SNX4: variants seen among roughly 807,000 people sequenced by gnomAD.
SNX4 encodes sorting nexin-4.
In SNX4, 49 loss-of-function variants were observed where a neutral mutation model predicts 70.8. The ratio of observed to expected loss-of-function variants is 0.69; its 90% CI spans 0.55 to 0.88. The LOEUF (loss-of-function observed/expected upper bound fraction) is 0.88. Ranked by LOEUF, SNX4 falls within the 40% of genes least tolerant of loss-of-function variation. The probability of loss-of-function intolerance (pLI) is 0.00; values close to 1 mark genes in which losing one functional copy is unlikely to be tolerated. For synonymous variants in SNX4, 206 were observed against 183.8 expected (o/e 1.12, Z -0.98); for missense variants, 528 against 544.8 (o/e 0.97, Z 0.31).
intron 9 of SNX4, among the ~76,000 whole-genome samples, 181 bp from the exon 10 acceptor site, chr3:125,461,041 C>T (rs192209497): frequency 0.01 from 1,549 of 152,248 alleles, 10 homozygotes; most frequent in Non-Finnish European, 0.014. Context: ...GCCTGGCCAA[C>T]GTGGTGAAAC....
chr3:125,465,360 C>T (rs1428694562), intron 9 of SNX4, among the ~76,000 whole-genome samples: 1 of 151,862 alleles, frequency 6.6e-6, no homozygotes, highest in African/African-American at 2.4e-5. Context: ...ATTCTCCTGC[C>T]TCAGCCTCCT....
intron 6 of SNX4, among the ~76,000 whole-genome samples, chr3:125,481,036 C>T (rs574225210): frequency 6.6e-6 from 1 of 152,268 alleles, no homozygotes; most frequent in South Asian, 2.1e-4. Context: ...CTTGACAACA[C>T]ACCCAGCTAT....
At chr3:125,481,263 G>A (rs1351218367) in intron 6 of SNX4, among the ~76,000 whole-genome samples, 1 of 152,020 alleles carries the variant, frequency 6.6e-6, no homozygotes, top group Non-Finnish European at 1.5e-5. Context: ...CCTCTTACTT[G>A]ATCCTTTTGG....
At chr3:125,473,213 G>A (rs981436401) in intron 8 of SNX4, among the ~76,000 whole-genome samples, 35 of 151,870 alleles carry the variant, frequency 2.3e-4, no homozygotes, top group Admixed American at 1.1e-3. Flanking sequence ...GGCAGTTCCC[G>A]GTGTCTACTG....
At position 125,451,396 on chromosome 3, in the gene SNX4, G is replaced by C; in HGVS notation, c.1214C>G (p.Ala405Gly). Reference sequence around the variant, plus strand: ...TTGTTCTTTGAAGCGTTCAATATCAGCCCATGCGTTTTTCACAAATTCTCT... The same window carrying C: ...TTGTTCTTTGAAGCGTTCAATATCACCCCATGCGTTTTTCACAAATTCTCT... ...EGREFVKNAW[A>G]DIERFKEQKN... The change falls in exon 13 of 14, where the codon GCT becomes GGT. Residue 405 changes from alanine to glycine, a missense_variant. Ala to Gly is a moderately conservative substitution (Grantham distance 60). This residue lies in a region of SNX4 where 159 missense variants were observed against 172.6 expected (regional missense o/e 0.92). Transcript: ENST00000251775. 2 of 1,613,158 alleles carry C rather than the reference G, an allele frequency of 1.2e-6. No individual in the cohort carries two copies. The highest frequency in any genetic ancestry group is 2.7e-5 in the African/African-American group (2 of 74,994).
At chr3:125,471,292 C>T (rs535619445) in intron 8 of SNX4, among the ~76,000 whole-genome samples, 4 of 128,284 alleles carry the variant, frequency 3.1e-5, no homozygotes, top group South Asian at 2.6e-4. Flanking sequence ...TGCGGTGAGC[C>T]GAGGTCGCGC....
chr3:125,469,083 A>C (rs985339047), intron 9 of SNX4, among the ~76,000 whole-genome samples: 4 of 152,196 alleles, frequency 2.6e-5, no homozygotes, highest in African/African-American at 9.7e-5. Flanking sequence ...CCTTAAGAGA[A>C]AGCCTCAATA....
intron 6 of SNX4, among the ~76,000 whole-genome samples, chr3:125,485,451 C>G (rs1425964067): frequency 6.6e-6 from 1 of 152,062 alleles, no homozygotes; most frequent in Non-Finnish European, 1.5e-5. Context: ...GCATGTGCCA[C>G]CATGCCTGGC....
At chr3:125,457,572 CTTTT>C (rs1005344428) in intron 10 of SNX4, among the ~76,000 whole-genome samples, 2 of 110,432 alleles carry the variant, frequency 1.8e-5, no homozygotes, top group African/African-American at 3.6e-5. Context: ...TTCATATATT[CTTTT>C]TTTTTTTTTT....
At chr3:125,501,398 T>A (rs1212397528) in intron 2 of SNX4, among the ~76,000 whole-genome samples, 2 of 152,112 alleles carry the variant, frequency 1.3e-5, no homozygotes, top group Non-Finnish European at 2.9e-5. Flanking sequence ...GGCAGGCAGA[T>A]CACCTGAGGT....
chr3:125,486,199 T>C (rs1381743632), intron 6 of SNX4, among the ~76,000 whole-genome samples: 1 of 152,120 alleles, frequency 6.6e-6, no homozygotes, highest in Non-Finnish European at 1.5e-5. Flanking sequence ...ACTATATAGA[T>C]TTTTCTCTAT....
At position 125,498,060 on chromosome 3, in the gene SNX4, C is replaced by T. The variant is rs765495123; in HGVS notation, c.398G>A (p.Arg133Gln). 6.8e-6 allele frequency: 11 copies of T among 1,613,886 alleles called. No homozygotes were observed. The highest frequency in any genetic ancestry group is 1.3e-5 in the African/African-American group (1 of 74,906). ...AACTACTGCCATTTCACTTCTTACCCGTTTTTCTGGCAGAGGTGGCACAAC... is the reference window on the plus strand; with the variant it reads ...AACTACTGCCATTTCACTTCTTACCTGTTTTTCTGGCAGAGGTGGCACAAC... ...HIVVPPLPEKRAEFVWHKLSA... is the reference protein window; with the variant it reads ...HIVVPPLPEKQAEFVWHKLSA... The change falls in exon 3 of 14, where the codon CGG becomes CAG. Residue 133 changes from arginine (R) to glutamine (Q), a missense_variant and splice_region_variant. Physicochemically the swap from Arg to Gln is conservative, Grantham distance 43. This residue lies in a region of SNX4 where 341 missense variants were observed against 312.2 expected (regional missense o/e 1.09). Transcript: ENST00000251775.
chr3:125,465,081 C>T (rs1316244386), intron 9 of SNX4, among the ~76,000 whole-genome samples: 1 of 151,962 alleles, frequency 6.6e-6, no homozygotes, highest in East Asian at 1.9e-4. Context: ...AGGGTTTTGC[C>T]ATGTTGCCCA....
intron 2 of SNX4, among the ~76,000 whole-genome samples, chr3:125,499,323 T>G (rs1010587989): frequency 6.6e-6 from 1 of 152,226 alleles, no homozygotes; most frequent in African/African-American, 2.4e-5. Context: ...ATGCACAAGG[T>G]GTATTTGTAC....
chr3:125,475,977 T>C (rs1439177678), intron 8 of SNX4, among the ~76,000 whole-genome samples: 1 of 150,190 alleles, frequency 6.7e-6, no homozygotes, highest in Non-Finnish European at 1.5e-5. Flanking sequence ...AGACCCTGTA[T>C]TAAAAAAAAA....
chr3:125,464,353 A>G (rs922428386), intron 9 of SNX4, among the ~76,000 whole-genome samples: 1 of 151,966 alleles, frequency 6.6e-6, no homozygotes, highest in Non-Finnish European at 1.5e-5. Context: ...CCTTCTTAAC[A>G]ATGTTTTCCA....
At chr3:125,452,399 T>A (rs916311618) in intron 12 of SNX4, among the ~76,000 whole-genome samples, 1 of 151,946 alleles carries the variant, frequency 6.6e-6, no homozygotes, top group Non-Finnish European at 1.5e-5. Context: ...GCCAGCTGCA[T>A]GTACTTGTTT....
At chr3:125,447,973 T>C (rs914136695) in intron 13 of SNX4, 147 bp from the exon 14 acceptor site, 2 of 537,386 alleles carry the variant, frequency 3.7e-6, no homozygotes, top group Non-Finnish European at 6.4e-6. Flanking sequence ...GTGGCTAATA[T>C]AAGCAAATGT....
chr3:125,515,939 G>A (rs1188524598), intron 1 of SNX4, among the ~76,000 whole-genome samples: 1 of 152,102 alleles, frequency 6.6e-6, no homozygotes, highest in Non-Finnish European at 1.5e-5. Context: ...GATGAATTCT[G>A]TAATTATGCC....
Sources: gnomAD v4.1 joint callset for allele counts (sites outside exome capture counted in the v4.1 genomes callset) on GRCh38, gnomAD v4.1.1 for gene constraint, gnomAD v4.1.1 regional missense constraint, MANE v1.5 for transcripts, NCBI Gene and HGNC (gene_info 2026-07-23, HGNC 2026-07-21) for gene names.